SOD2: variants seen among roughly 807,000 people sequenced by gnomAD.
The protein encoded by SOD2 is superoxide dismutase [Mn], mitochondrial.
In SOD2, 11 loss-of-function variants were observed where a neutral mutation model predicts 27.0. The ratio of observed to expected loss-of-function variants is 0.41; its 90% confidence interval spans 0.26 to 0.67. SOD2 has a LOEUF of 0.67. Among genes scored for constraint, SOD2 ranks in the 30% least tolerant of loss-of-function variants. The probability of loss-of-function intolerance (pLI) is 0.34; values close to 1 mark genes in which losing one functional copy is unlikely to be tolerated. For missense variants in SOD2, 250 were observed against 274.5 expected (o/e 0.91, Z 0.63); for synonymous variants, 105 against 103.0 (o/e 1.02, Z -0.12).
At chr6:159,684,622 T>A (rs894500888) in intron 4 of SOD2, among the ~76,000 whole-genome samples, 10 of 151,970 alleles carry the variant, frequency 6.6e-5, no homozygotes, top group African/African-American at 9.7e-5. Flanking sequence ...TCAAAAAAAA[T>A]AAATAAAAAT....
At chr6:159,748,136 T>C, upstream of SOD2, 1 of 1,543,790 alleles carries the variant, frequency 6.5e-7, no homozygotes, top group African/African-American at 1.4e-5. The surrounding 1 kb of genome is among the most constrained non-coding windows in gnomAD (Gnocchi z 5.6). Context: ...TTTCCCCACC[T>C]TCTTATGTAT....
intron 1 of SOD2, among the ~76,000 whole-genome samples, chr6:159,703,768 A>G (rs1210760877): frequency 1.3e-5 from 2 of 152,236 alleles, no homozygotes; most frequent in African/African-American, 4.8e-5. Flanking sequence ...AACTGCATCA[A>G]CCTAAATATG....
intron 1 of SOD2, among the ~76,000 whole-genome samples, chr6:159,721,355 C>T (rs1219142090): frequency 4.0e-5 from 6 of 149,250 alleles, no homozygotes; most frequent in Admixed American, 6.7e-5. Context: ...GCATGAGCCA[C>T]CGTGCCCAGC....
Position 159,684,905 on chromosome 6 carries a change from G to C in SOD2, c.472C>G (p.His158Asp). Residue 158 changes from histidine (H) to aspartate (D), a missense_variant, in exon 4 of 5, where the codon CAC becomes GAC. Transcript: ENST00000538183. Reference protein sequence around the residue: ...GWLGFNKERGHLQIAACPNQD... With the variant: ...GWLGFNKERGDLQIAACPNQD... Reference sequence around the variant, plus strand: ...TTTGGACAAGCAGCAATTTGTAAGTGTCCCCGTTCCTTATTGAAACCAAGC... The same window carrying C: ...TTTGGACAAGCAGCAATTTGTAAGTCTCCCCGTTCCTTATTGAAACCAAGC... 6.2e-7 allele frequency: 1 copy of C among 1,613,230 alleles called. No individual in the cohort carries two copies. Among genetic ancestry groups the C allele is most frequent in the Non-Finnish European group, 8.5e-7 (1 of 1,179,564 alleles).
At chr6:159,734,636 C>G (rs906912332) in intron 1 of SOD2, among the ~76,000 whole-genome samples, 1 of 151,932 alleles carries the variant, frequency 6.6e-6, no homozygotes, top group Non-Finnish European at 1.5e-5. Context: ...TATGGTGGGT[C>G]CCCATCTCTT....
chr6:159,757,314 A>AT, intron 1 of SOD2, among the ~76,000 whole-genome samples: 1 of 152,282 alleles, frequency 6.6e-6, no homozygotes, highest in East Asian at 1.9e-4. Context: ...TTTGAAAGTA[A>AT]TTGCTGCTTT....
At chr6:159,761,728 G>A (rs1052194808) in exon 1 of SOD2, 6 of 362,638 alleles carry the variant, frequency 1.7e-5, no homozygotes, top group Admixed American at 3.6e-5. Context: ...ACGTCAAGTC[G>A]GGGAACTCCA....
chr6:159,743,637 T>A, intron 1 of SOD2: 1 of 1,570,298 alleles, frequency 6.4e-7, no homozygotes, highest in South Asian at 1.2e-5. Context: ...CTTAAAATTG[T>A]ATTTATAATT....
At position 159,669,961 on chromosome 6, in the gene SOD2, C is replaced by T. The variant is rs1472305645; in HGVS notation, c.*12532G>A. On this transcript the variant is annotated 3_prime_UTR_variant, in exon 5 of 5. Coordinates refer to ENST00000538183, the MANE Select transcript of SOD2 (RefSeq NM_000636.4). Reference sequence around the variant, plus strand: ...ATCCATTTACATTCAAAGTTATCATCAATAGAGGTGCAGACTTTTTAAACA... The same window carrying T: ...ATCCATTTACATTCAAAGTTATCATTAATAGAGGTGCAGACTTTTTAAACA... The T allele has an allele frequency of 2.6e-5, 4 of 152,154 alleles. No homozygotes were observed. The highest frequency in any genetic ancestry group is 2.1e-4 in the South Asian group (1 of 4,828). The allele number at this position is 152,154 out of a possible 1,614,324, so 9.4% of individuals were successfully genotyped here. A position where few individuals can be genotyped will look rare whatever the true frequency, so the allele number is the denominator to read the frequency against.
At chr6:159,742,183 T>A in intron 1 of SOD2, 1 of 1,495,068 alleles carries the variant, frequency 6.7e-7, no homozygotes, top group Non-Finnish European at 9.1e-7. Flanking sequence ...GACTGAATAA[T>A]CTCCTTTTGA....
intron 1 of SOD2, among the ~76,000 whole-genome samples, chr6:159,703,801 A>G (rs1023276148): frequency 6.6e-6 from 1 of 152,228 alleles, no homozygotes; most frequent in Non-Finnish European, 1.5e-5. Context: ...ATACACTCCT[A>G]CAACATAACT....
upstream of SOD2, chr6:159,730,782 T>G (rs1229601695): frequency 1.3e-5 from 2 of 152,152 alleles, no homozygotes; most frequent in Non-Finnish European, 2.9e-5. Flanking sequence ...GTGTAGACAT[T>G]TATCCAAAAT....
chr6:159,682,213 A>G lies in SOD2; in HGVS notation c.*280T>C, dbSNP rs1779994041. 1 of 242,954 alleles carries G rather than the reference A, an allele frequency of 4.1e-6. No homozygotes were observed. Among genetic ancestry groups the G allele is most frequent in the South Asian group, 9.9e-5 (1 of 10,134 alleles). 15.0% of individuals were successfully genotyped at this position (242,954 alleles called of 1,614,324 possible). A position where few individuals can be genotyped will look rare whatever the true frequency, so the allele number is the denominator to read the frequency against. Reference sequence around the variant, plus strand: ...CAAGTCCCCAAAGTATATGGATGGAATATTTTTGATGGTTTTATAAATGAC... The same window carrying G: ...CAAGTCCCCAAAGTATATGGATGGAGTATTTTTGATGGTTTTATAAATGAC... On this transcript the variant is annotated 3_prime_UTR_variant, in exon 5 of 5. Transcript: ENST00000538183.
chr6:159,733,872 C>T (rs1368040609), intron 1 of SOD2, among the ~76,000 whole-genome samples: 5 of 152,106 alleles, frequency 3.3e-5, no homozygotes, highest in African/African-American at 7.2e-5. Context: ...GCCGAGATCG[C>T]GCCGTTGCAC....
chr6:159,761,435 CAG>C, exon 1 of SOD2: 1 of 440,240 alleles, frequency 2.3e-6, no homozygotes, highest in Non-Finnish European at 4.5e-6. Context: ...CGTTCACAGC[CAG>C]AGTTGATCTT....
At chr6:159,710,493 G>A (rs1047164348) in intron 1 of SOD2, among the ~76,000 whole-genome samples, 1 of 151,888 alleles carries the variant, frequency 6.6e-6, no homozygotes, top group Non-Finnish European at 1.5e-5. Context: ...GACCAAGAGT[G>A]ATCAGAATAA....
At chr6:159,745,985 T>C (rs541942231), upstream of SOD2, among the ~76,000 whole-genome samples, 4 of 152,324 alleles carry the variant, frequency 2.6e-5, no homozygotes, top group Admixed American at 2.0e-4. Context: ...ACGATGCTAC[T>C]AGGATAGATC....
At chr6:159,683,869 G>A (rs370487647) in intron 4 of SOD2, among the ~76,000 whole-genome samples, 197 of 152,330 alleles carry the variant, frequency 1.3e-3, no homozygotes, top group African/African-American at 4.3e-3. Context: ...ATCCTGTGAA[G>A]TGAGCCACAG....
At position 159,710,288 on chromosome 6, in the gene SOD2, T is replaced by TATAA. The variant is rs1323477194; in HGVS notation, c.-116+16840_-116+16841insTTAT. On this transcript the variant is annotated intron_variant, in intron 1 of 2. Coordinates refer to the SOD2 transcript ENST00000401980. ...ATAAATACATATATATATATATATATAAAATACAAAAATTAGCTGGGCGTG... is the reference window on the plus strand; with the variant it reads ...ATAAATACATATATATATATATATATATAAAAAATACAAAAATTAGCTGGGCGTG... 7.8e-4 allele frequency among the ~76,000 whole-genome samples: 116 copies of TATAA among 147,864 alleles called. 1 individual carries two copies. Among genetic ancestry groups the TATAA allele is most frequent in the African/African-American group, 1.3e-3 (51 of 40,024 alleles).
Sources: allele counts gnomAD v4.1 joint callset (sites outside exome capture counted in the v4.1 genomes callset), GRCh38; gene constraint gnomAD v4.1.1; non-coding constraint Gnocchi (gnomAD v3.1); transcripts MANE v1.5; gene names NCBI Gene and HGNC (gene_info 2026-07-23, HGNC 2026-07-21).